The following ASCC3 variants were observed in gnomAD, a reference collection of about 807,000 sequenced individuals.
The protein encoded by ASCC3 is activating signal cointegrator 1 complex subunit 3.
A neutral mutation model predicts 256.3 loss-of-function variants in ASCC3; 158 were observed. The ratio of observed to expected loss-of-function variants is 0.62; its 90% CI spans 0.54 to 0.70. The LOEUF (loss-of-function observed/expected upper bound fraction) is 0.70. Among genes scored for constraint, ASCC3 ranks in the 30% least tolerant of loss-of-function variants. The pLI is 0.00. For synonymous variants in ASCC3, 948 were observed against 883.4 expected (o/e 1.07, Z -1.30); for missense variants, 2,259 against 2,626.0 (o/e 0.86, Z 3.05).
intron 11 of ASCC3, among the ~76,000 whole-genome samples, chr6:100,719,899 G>A (rs1168626645): frequency 6.6e-6 from 1 of 151,844 alleles, no homozygotes; most frequent in Admixed American, 6.6e-5. Context: ...ATAGATTTAA[G>A]ATTTCTTAGA....
chr6:100,673,959 T>C lies in ASCC3; in HGVS notation c.2286+5659A>G, dbSNP rs150678137. ...CTCTCTTTGGAACGTCCTTTCCCTG[T>C]TGCTGCCTATTGAAATTTAAAATTA... On this transcript the variant is annotated intron_variant, in intron 14 of 41. Transcript: ENST00000369162. Among the ~76,000 whole-genome samples the C allele has an allele frequency of 9.6e-3, 1,469 of 152,292 alleles. 87 individuals are homozygous for C. Among genetic ancestry groups the C allele is most frequent in the Admixed American group, 0.079 (1,205 of 15,282 alleles).
At chr6:100,518,421 A>C (rs1374454304) in intron 37 of ASCC3, among the ~76,000 whole-genome samples, 1 of 152,124 alleles carries the variant, frequency 6.6e-6, no homozygotes, top group Non-Finnish European at 1.5e-5. Flanking sequence ...CTAGCATTAA[A>C]ACAAAGATAA....
At chr6:100,822,002 G>A (rs974081642) in intron 4 of ASCC3, among the ~76,000 whole-genome samples, 7 of 152,110 alleles carry the variant, frequency 4.6e-5, no homozygotes, top group African/African-American at 1.7e-4. Flanking sequence ...GTTCACTAAG[G>A]GTGGAGGGGG....
At chr6:100,559,474 A>AT (rs1315326588) in intron 36 of ASCC3, among the ~76,000 whole-genome samples, 15 of 152,192 alleles carry the variant, frequency 9.9e-5, no homozygotes, top group African/African-American at 2.2e-4. Flanking sequence ...AGGAGTTAAT[A>AT]TTTTTTTGTA....
intron 5 of ASCC3, among the ~76,000 whole-genome samples, chr6:100,802,318 C>A (rs917706110): frequency 1.3e-5 from 2 of 151,972 alleles, no homozygotes; most frequent in Non-Finnish European, 2.9e-5. Context: ...TTAGAACGGT[C>A]GTTTAAAAGT....
chr6:100,691,947 G>A (rs1340178106), intron 13 of ASCC3, among the ~76,000 whole-genome samples: 1 of 151,710 alleles, frequency 6.6e-6, no homozygotes, highest in East Asian at 1.9e-4. Context: ...CCTTACAAGG[G>A]TGCTGTGGGA....
At chr6:100,619,283 A>C (rs1773827477) in intron 30 of ASCC3, among the ~76,000 whole-genome samples, 1 of 152,158 alleles carries the variant, frequency 6.6e-6, no homozygotes, top group Non-Finnish European at 1.5e-5. Flanking sequence ...TTTACTTGGA[A>C]ACTGAAACAG....
At chr6:100,804,652 G>A (rs892318690) in intron 5 of ASCC3, among the ~76,000 whole-genome samples, 3 of 151,976 alleles carry the variant, frequency 2.0e-5, no homozygotes, top group Admixed American at 1.3e-4. Context: ...GCCAACAAAT[G>A]CTCATCATCA....
At chr6:100,510,732 C>T (rs1425703796) in intron 40 of ASCC3, among the ~76,000 whole-genome samples, 1 of 152,178 alleles carries the variant, frequency 6.6e-6, no homozygotes, top group Admixed American at 6.5e-5. Flanking sequence ...TTAATCACCA[C>T]AATCCAAAAT....
chr6:100,743,455 C>T (rs143742334), intron 10 of ASCC3, among the ~76,000 whole-genome samples: 108 of 152,170 alleles, frequency 7.1e-4, no homozygotes, highest in African/African-American at 2.5e-3. Flanking sequence ...TTCCCCATCC[C>T]CTTCAATCCT....
intron 25 of ASCC3, among the ~76,000 whole-genome samples, chr6:100,635,604 G>T (rs1474586506): frequency 6.6e-6 from 1 of 152,066 alleles, no homozygotes; most frequent in Non-Finnish European, 1.5e-5. Flanking sequence ...TCACAAAAAA[G>T]ATAACTATTT....
intron 4 of ASCC3, among the ~76,000 whole-genome samples, chr6:100,818,712 T>G (rs538293500): frequency 7.4e-6 from 1 of 134,446 alleles, no homozygotes. Flanking sequence ...TTCAACACTG[T>G]ACTGTAGGTT....
intron 10 of ASCC3, among the ~76,000 whole-genome samples, chr6:100,747,922 T>C (rs1273966541): frequency 2.0e-5 from 3 of 152,094 alleles, no homozygotes; most frequent in African/African-American, 7.2e-5. Context: ...TATCTAGTGC[T>C]TTCCTTAGAA....
chr6:100,793,439 C>T (rs1769448516), intron 8 of ASCC3, among the ~76,000 whole-genome samples: 1 of 151,962 alleles, frequency 6.6e-6, no homozygotes, highest in Admixed American at 6.6e-5. Context: ...ATTATACTGT[C>T]ACACATGCCA....
intron 16 of ASCC3, among the ~76,000 whole-genome samples, chr6:100,657,209 G>A (rs1263466206): frequency 6.6e-6 from 1 of 151,158 alleles, no homozygotes; most frequent in East Asian, 1.9e-4. Context: ...TATAATATGG[G>A]AGATTCTGTC....
In ASCC3 at chr6:100,848,357, T is replaced by G. The variant is rs535107131; in HGVS notation, c.592A>C (p.Lys198Gln). The change falls in exon 4 of 42, where the codon AAG (lysine) becomes CAG (glutamine). Residue 198 changes from lysine to glutamine, a missense_variant. By Grantham distance (53) the Lys-to-Gln change is moderately conservative. This residue lies in a region of ASCC3 where 420 missense variants were observed against 419.3 expected (regional missense o/e 1.00). Transcript: ENST00000369162. ...TQKTISLDYK[K>Q]FLNEHLQEAC... ...TCCTGGAGATGTTCATTCAGAAACT[T>G]CTTATAATCTAGGCTTATAGTTTTC... 6.2e-7 allele frequency: 1 copy of G among 1,614,086 alleles called. No individual in the cohort carries two copies. The highest frequency in any genetic ancestry group is 2.2e-5 in the East Asian group (1 of 44,866).
chr6:100,655,827 C>A lies in ASCC3; in HGVS notation c.2704-9G>T. 1.2e-6 allele frequency: 2 copies of A among 1,609,916 alleles called. No individual in the cohort carries two copies. The highest frequency in any genetic ancestry group is 2.2e-5 in the East Asian group (1 of 44,746). ...ACTGTTCCCAGAGCAATCTGCAAAT[C>A]AAAAAGATGACAGAAATTAATGTAT... On this transcript the variant is annotated splice_polypyrimidine_tract_variant and intron_variant, in intron 16 of 41. Transcript: ENST00000369162.
Position 100,606,721 on chromosome 6 carries a change from G to T in ASCC3, c.5044+19C>A. The T allele has an allele frequency of 6.3e-7, 1 of 1,585,668 alleles. No homozygotes were observed. Among genetic ancestry groups the T allele is most frequent in the Non-Finnish European group, 8.5e-7 (1 of 1,170,996 alleles). ...GTAAAATAGAGCTTCATGTATTTCT[G>T]TGAATTTAAGAAAATTACCTGTAAT... On this transcript the variant is annotated intron_variant, in intron 32 of 41. Transcript: ENST00000369162.
chr6:100,862,354 T>G (rs916656441), intron 3 of ASCC3, among the ~76,000 whole-genome samples: 24 of 152,120 alleles, frequency 1.6e-4, no homozygotes, highest in Admixed American at 6.5e-5. Flanking sequence ...TTTCACAACT[T>G]AAAACAATGA....
Sources: gnomAD v4.1 joint callset for allele counts (sites outside exome capture counted in the v4.1 genomes callset) on GRCh38, gnomAD v4.1.1 for gene constraint, gnomAD v4.1.1 regional missense constraint, MANE v1.5 for transcripts, NCBI Gene and HGNC (gene_info 2026-07-23, HGNC 2026-07-21) for gene names.